DEPDC1B: variants seen among roughly 807,000 people sequenced by gnomAD.
The protein encoded by DEPDC1B is DEP domain containing 1B, also known as DEP domain-containing protein 1B.
A neutral mutation model predicts 66.5 loss-of-function variants in DEPDC1B; 51 were observed. The ratio of observed to expected loss-of-function variants is 0.77; its 90% CI spans 0.61 to 0.97. The LOEUF (loss-of-function observed/expected upper bound fraction) is 0.97, where lower values mean the gene tolerates loss of function less well. DEPDC1B is among the 50% of genes least tolerant of loss of function. The probability of loss-of-function intolerance (pLI) is 0.00; values close to 1 mark genes in which losing one functional copy is unlikely to be tolerated. For synonymous variants in DEPDC1B, 226 were observed against 223.6 expected (o/e 1.01, Z -0.10); for missense variants, 552 against 637.1 (o/e 0.87, Z 1.44).
intron 3 of DEPDC1B, among the ~76,000 whole-genome samples, chr5:60,646,321 G>A (rs1213156744): frequency 3.9e-5 from 6 of 152,168 alleles, no homozygotes; most frequent in Non-Finnish European, 7.3e-5. Flanking sequence ...TTGGTCAGGG[G>A]CTAGTACACA....
At chr5:60,650,176 C>T (rs199882987) in intron 2 of DEPDC1B, among the ~76,000 whole-genome samples, 1 of 26,162 alleles carries the variant, frequency 3.8e-5, no homozygotes, top group African/African-American at 1.2e-4. Flanking sequence ...TAAAGCAAGA[C>T]CCCCATCTCT....
At chr5:60,653,791 A>G (rs1394562457) in intron 2 of DEPDC1B, among the ~76,000 whole-genome samples, 1 of 132,514 alleles carries the variant, frequency 7.5e-6, no homozygotes, top group Non-Finnish European at 1.5e-5. Context: ...ATAAGGTGAG[A>G]GATGAGGATC....
At chr5:60,661,214 G>A (rs1236664154) in intron 2 of DEPDC1B, among the ~76,000 whole-genome samples, 2 of 152,132 alleles carry the variant, frequency 1.3e-5, no homozygotes, top group African/African-American at 2.4e-5. Flanking sequence ...AGGCAATGTT[G>A]GGCACGCTGG....
At chr5:60,635,570 G>A (rs1043485111) in intron 7 of DEPDC1B, among the ~76,000 whole-genome samples, 9 of 152,168 alleles carry the variant, frequency 5.9e-5, no homozygotes, top group Admixed American at 1.3e-4. Flanking sequence ...AACTGCCTAC[G>A]GGAGCAGACA....
rs1472164857 is a variant in DEPDC1B, at chr5:60,632,744, A to G, written c.898+6006T>C. Among the ~76,000 whole-genome samples, 7 of 152,190 alleles carry G rather than the reference A, an allele frequency of 4.6e-5. No homozygotes were observed. The East Asian group carries it at 1.3e-3, about 29-fold the overall frequency. ...GGTCCCTCTAGGCTGGGTCCCTGGTACCACTTTATATAAGCCAGCCTGGGG... is the reference window on the plus strand; with the variant it reads ...GGTCCCTCTAGGCTGGGTCCCTGGTGCCACTTTATATAAGCCAGCCTGGGG... On this transcript the variant is annotated intron_variant, in intron 7 of 10. Transcript: ENST00000265036.
intron 6 of DEPDC1B, among the ~76,000 whole-genome samples, chr5:60,642,367 CT>C (rs1753209207): frequency 6.6e-6 from 1 of 152,204 alleles, no homozygotes; most frequent in Non-Finnish European, 1.5e-5. Context: ...CAACTAATGC[CT>C]TCACAGTGCC....
In DEPDC1B at chr5:60,644,744, C is replaced by T; in HGVS notation, c.709+1G>A. On this transcript the variant is annotated splice_donor_variant, in intron 5 of 10. Transcript: ENST00000265036. LOFTEE classifies it high-confidence loss of function. ...TAACAAAATTATATTTATGCACTTA[C>T]TTGACTTGTCATCAAGAATAACAAC... The T allele has an allele frequency of 6.3e-7, 1 of 1,586,866 alleles. No individual in the cohort carries two copies. The highest frequency in any genetic ancestry group is 8.6e-7 in the Non-Finnish European group (1 of 1,168,860).
In DEPDC1B at chr5:60,638,792, GA is replaced by G. The variant is rs1214544700; in HGVS notation, c.855del (p.Leu286TyrfsTer45). ...GCATCAAAAAGATGAAATGTAAGTA[GA>G]GGCTCTTTCAAGTGACCATAGTAAT... is the stretch of plus-strand genomic sequence containing the variant. ...IADYYGHLKE[P>X]LLTFHLFDAF... On this transcript the variant is annotated frameshift_variant, in exon 7 of 11. Coordinates refer to ENST00000265036, the MANE Select transcript of DEPDC1B (RefSeq NM_018369.3). LOFTEE classifies it high-confidence loss of function. 6.2e-7 allele frequency: 1 copy of G among 1,612,304 alleles called. No homozygotes were observed. The highest frequency in any genetic ancestry group is 2.2e-5 in the East Asian group (1 of 44,664).
rs565712842 is a variant in DEPDC1B at position 60,672,713 on chromosome 5, G to A, written c.314+14249C>T. 2.0e-5 allele frequency among the ~76,000 whole-genome samples: 3 copies of A among 152,172 alleles called. No individual in the cohort carries two copies. In the South Asian group the frequency reaches 6.2e-4, roughly 32 times the overall value. On this transcript the variant is annotated intron_variant, in intron 2 of 10. Transcript: ENST00000265036. ...ATGTTAGCAGTCTTACTTTGTAGAT[G>A]AGGTCACAGAGATTCAGAGAGTGTC...
chr5:60,654,141 G>A (rs1753523284), intron 2 of DEPDC1B, among the ~76,000 whole-genome samples: 2 of 149,110 alleles, frequency 1.3e-5, no homozygotes, highest in South Asian at 4.4e-4. Context: ...GTTCTGTGAA[G>A]AATGATGGTG....
At chr5:60,677,295 G>GAC (rs770270774) in intron 2 of DEPDC1B, among the ~76,000 whole-genome samples, 10,123 of 113,572 alleles carry the variant, frequency 0.089, 532 homozygotes, top group Non-Finnish European at 0.12. Context: ...TTTTCATACA[G>GAC]ACACACACAC....
At chr5:60,688,286 G>T (rs964930752) in intron 1 of DEPDC1B, among the ~76,000 whole-genome samples, 1 of 151,902 alleles carries the variant, frequency 6.6e-6, no homozygotes, top group Non-Finnish European at 1.5e-5. Flanking sequence ...CTACCTCATG[G>T]TTCCTTTGAA....
intron 1 of DEPDC1B, among the ~76,000 whole-genome samples, chr5:60,688,705 T>C (rs566066975): frequency 6.6e-6 from 1 of 152,290 alleles, no homozygotes; most frequent in Admixed American, 6.5e-5. Context: ...CCTCTGCCAA[T>C]AACTATGTGG....
At chr5:60,611,152 A>T (rs1752407572) in intron 7 of DEPDC1B, among the ~76,000 whole-genome samples, 1 of 152,132 alleles carries the variant, frequency 6.6e-6, no homozygotes, top group Non-Finnish European at 1.5e-5. Flanking sequence ...GAATATTTCA[A>T]TTTTTTAATT....
intron 8 of DEPDC1B, 30 bp from the exon 9 acceptor site, chr5:60,603,597 G>A (rs368484593): frequency 4.1e-5 from 63 of 1,540,448 alleles, no homozygotes; most frequent in East Asian, 2.1e-4. Flanking sequence ...GGGGGTAAAC[G>A]CAGATGAGTA....
In DEPDC1B at chr5:60,667,809, ATAAAAAATGGATATTTTACATATATG is replaced by A. The variant is rs1554054932; in HGVS notation, c.314+19127_314+19152del. On this transcript the variant is annotated intron_variant, in intron 2 of 10. Coordinates refer to ENST00000265036, the MANE Select transcript of DEPDC1B (RefSeq NM_018369.3). ...TAAAAAATGGATATTTTACATATAT[ATAAAAAATGGATATTTTACATATATG>A]TAAAAAATGGATATTTTACATATAT... Among the ~76,000 whole-genome samples, 22 of 101,476 alleles carry A rather than the reference ATAAAAAATGGATATTTTACATATATG, an allele frequency of 2.2e-4. 2 individuals carry two copies. The South Asian group carries it at 3.8e-3, about 18-fold the overall frequency. The allele number at this position is 101,476 out of a possible 152,430, so 66.6% of individuals were successfully genotyped here.
intron 2 of DEPDC1B, among the ~76,000 whole-genome samples, chr5:60,683,845 TTATA>T (rs1266708865): frequency 1.3e-5 from 2 of 152,050 alleles, no homozygotes; most frequent in African/African-American, 4.8e-5. Context: ...CGACATAAAC[TTATA>T]TAGAGAAAAT....
At chr5:60,615,696 T>C (rs1019854836) in intron 7 of DEPDC1B, among the ~76,000 whole-genome samples, 33 of 152,188 alleles carry the variant, frequency 2.2e-4, no homozygotes, top group African/African-American at 6.8e-4. Context: ...TGCCTGCCTC[T>C]GTAGACTCCA....
chr5:60,675,984 C>T (rs992958446), intron 2 of DEPDC1B, among the ~76,000 whole-genome samples: 3 of 150,924 alleles, frequency 2.0e-5, no homozygotes, highest in Non-Finnish European at 4.4e-5. Flanking sequence ...CTGGAATGCA[C>T]TGGCACAATC....
Sources: gnomAD v4.1 joint callset for allele counts (sites outside exome capture counted in the v4.1 genomes callset) on GRCh38, gnomAD v4.1.1 for gene constraint, MANE v1.5 for transcripts, NCBI Gene and HGNC (gene_info 2026-07-23, HGNC 2026-07-21) for gene names.